Variants in LTBP1 observed in about 807,000 individuals in gnomAD.
LTBP1 encodes the protein latent transforming growth factor beta binding protein 1.
Under a neutral mutation model 207.6 loss-of-function variants are expected in LTBP1, and 129 were observed. The ratio of observed to expected loss-of-function variants is 0.62; its 90% CI spans 0.54 to 0.72. The LOEUF is 0.72. Among genes scored for constraint, LTBP1 ranks in the 30% least tolerant of loss-of-function variants. The pLI, the probability that LTBP1 is intolerant of heterozygous loss-of-function variation, is 0.00. For missense variants in LTBP1, 2,281 were observed against 2,217.2 expected, an observed-to-expected ratio of 1.03 and a Z score of -0.58; for synonymous variants, 963 against 833.7, an observed-to-expected ratio of 1.16 and a Z score of -2.67.
chr2:33,090,392 C>A (rs1009926380), intron 3 of LTBP1, among the ~76,000 whole-genome samples: 1 of 151,976 alleles, frequency 6.6e-6, no homozygotes, highest in Non-Finnish European at 1.5e-5. Context: ...TATGGTATGC[C>A]GAATCTGTCT....
rs71407500 is a variant in LTBP1, at chr2:33,103,586, CGTGT to C, written c.864-6958_864-6955del. Among the ~76,000 whole-genome samples the C allele has an allele frequency of 8.3e-3, 977 of 118,214 alleles. 9 individuals carry two copies. Among genetic ancestry groups the C allele is most frequent in the Admixed American group, 0.029 (351 of 12,214 alleles). 77.6% of individuals were successfully genotyped at this position (118,214 alleles called of 152,430 possible). On this transcript the variant is annotated intron_variant, in intron 3 of 33. Coordinates refer to ENST00000404816, the MANE Select transcript of LTBP1 (RefSeq NM_206943.4). ...GACCATAAATCCTTGTCTCCGTTTA[CGTGT>C]GTGTGTGTGTGTGTGTGTGTGTGTG...
At chr2:33,314,041 A>G (rs918763429) in intron 23 of LTBP1, among the ~76,000 whole-genome samples, 1 of 152,194 alleles carries the variant, frequency 6.6e-6, no homozygotes, top group Non-Finnish European at 1.5e-5. Flanking sequence ...AGTGTTTGGA[A>G]GTAGCCCTTG....
chr2:33,224,315 A>C (rs1352924903), intron 9 of LTBP1, among the ~76,000 whole-genome samples: 2 of 152,182 alleles, frequency 1.3e-5, no homozygotes, highest in Non-Finnish European at 2.9e-5. Flanking sequence ...TTTATCCTTC[A>C]CTAATCCAAT....
chr2:33,295,123 C>G (rs758571948), intron 20 of LTBP1, among the ~76,000 whole-genome samples: 1 of 151,864 alleles, frequency 6.6e-6, no homozygotes, highest in Non-Finnish European at 1.5e-5. Flanking sequence ...AATTTTTAAA[C>G]ATTTATTTTA....
chr2:33,075,218 A>T (rs972128890), intron 3 of LTBP1, among the ~76,000 whole-genome samples: 5 of 152,256 alleles, frequency 3.3e-5, no homozygotes, highest in African/African-American at 1.2e-4. Flanking sequence ...AACTTTATAC[A>T]CAATGACTTA....
chr2:33,280,170 A>G lies in LTBP1; in HGVS notation c.3112+12A>G. 1 of 1,603,828 alleles carries G rather than the reference A, an allele frequency of 6.2e-7. No individual in the cohort carries two copies. Among genetic ancestry groups the G allele is most frequent in the Middle Eastern group, 1.7e-4 (1 of 6,020 alleles). ...TGGACAGTGCCTTGGTAGGTACTAT[A>G]GTGTACTTATCAAAGATTTGTTTCT... On this transcript the variant is annotated intron_variant, in intron 19 of 33. Transcript: ENST00000404816.
At chr2:33,185,228 G>T (rs1439010714) in intron 5 of LTBP1, among the ~76,000 whole-genome samples, 1 of 152,112 alleles carries the variant, frequency 6.6e-6, no homozygotes, top group African/African-American at 2.4e-5. Flanking sequence ...TCCCTGTAAT[G>T]GGCAAAAAGT....
chr2:33,045,145 C>G (rs979041467), intron 3 of LTBP1, among the ~76,000 whole-genome samples: 7 of 152,036 alleles, frequency 4.6e-5, no homozygotes, highest in African/African-American at 1.7e-4. Context: ...ATTTTGGCTT[C>G]TGTTGCCATT....
chr2:33,289,271 G>A (rs770494311), intron 19 of LTBP1, among the ~76,000 whole-genome samples: 27 of 152,216 alleles, frequency 1.8e-4, no homozygotes, highest in Non-Finnish European at 1.5e-5. Flanking sequence ...ACCCTGGGAG[G>A]TTTAATTAAT....
In LTBP1 at chr2:33,206,325, A is replaced by G. The variant is rs74591507; in HGVS notation, c.1702-11227A>G. Among the ~76,000 whole-genome samples the G allele has an allele frequency of 8.6e-3, 1,317 of 152,330 alleles. 19 individuals carry two copies. Among genetic ancestry groups the G allele is most frequent in the Middle Eastern group, 0.037 (11 of 294 alleles). The stretch of plus-strand genomic sequence containing the variant: ...CAGAAAAAACTGAAAGCTTAACCAA[A>G]TGAGGCATGCATTACAATTTCACAT... On this transcript the variant is annotated intron_variant, in intron 7 of 33. Coordinates refer to ENST00000404816, the MANE Select transcript of LTBP1 (RefSeq NM_206943.4).
chr2:33,330,751 C>T (rs1282138589), intron 24 of LTBP1, among the ~76,000 whole-genome samples: 1 of 148,658 alleles, frequency 6.7e-6, no homozygotes, highest in African/African-American at 2.5e-5. Context: ...ATACAGGGAC[C>T]CAGACAATAT....
At chr2:33,068,187 A>G (rs578214178) in intron 3 of LTBP1, among the ~76,000 whole-genome samples, 1 of 150,256 alleles carries the variant, frequency 6.7e-6, no homozygotes, top group African/African-American at 2.5e-5. Context: ...GGGTGTAAAC[A>G]TATGTTTTTA....
chr2:33,182,699 T>TACACAC lies in LTBP1; in HGVS notation c.1202-4125_1202-4120dup, dbSNP rs377663333. On this transcript the variant is annotated intron_variant, in intron 5 of 33. Coordinates refer to ENST00000404816, the MANE Select transcript of LTBP1 (RefSeq NM_206943.4). Reference sequence around the variant, plus strand: ...AAGAAAAGATGGTGATATATATATATACACACACACACACACACACACACA... The same window carrying TACACAC: ...AAGAAAAGATGGTGATATATATATATACACACACACACACACACACACACACACACA... Among the ~76,000 whole-genome samples, 23 of 78,826 alleles carry TACACAC rather than the reference T, an allele frequency of 2.9e-4. 2 individuals carry two copies. The highest frequency in any genetic ancestry group is 1.9e-3 in the South Asian group (5 of 2,590). 51.7% of individuals were successfully genotyped at this position (78,826 alleles called of 152,430 possible). A position where few individuals can be genotyped will look rare whatever the true frequency, so the allele number is the denominator to read the frequency against.
intron 5 of LTBP1, among the ~76,000 whole-genome samples, chr2:33,172,751 G>T (rs144530701): frequency 0.012 from 1,774 of 152,228 alleles, 34 homozygotes; most frequent in African/African-American, 0.04. Context: ...CACATAGTTG[G>T]AAGTAAAGCT....
At chr2:32,968,848 CA>C (rs1159292217) in intron 2 of LTBP1, among the ~76,000 whole-genome samples, 3 of 151,314 alleles carry the variant, frequency 2.0e-5, no homozygotes, top group African/African-American at 7.3e-5. Flanking sequence ...CTCAGCCTCC[CA>C]AGTAGCTGGG....
At chr2:33,088,761 A>G (rs1385988757) in intron 3 of LTBP1, among the ~76,000 whole-genome samples, 1 of 152,218 alleles carries the variant, frequency 6.6e-6, no homozygotes, top group Non-Finnish European at 1.5e-5. Flanking sequence ...AGTGAAACTA[A>G]AATTCAAAAA....
intron 4 of LTBP1, among the ~76,000 whole-genome samples, chr2:33,127,952 C>A (rs2150490287): frequency 6.6e-6 from 1 of 152,106 alleles, no homozygotes; most frequent in Middle Eastern, 3.4e-3. Flanking sequence ...CTAGGTTGGA[C>A]CTAGGTAGGA....
intron 5 of LTBP1, among the ~76,000 whole-genome samples, chr2:33,156,665 C>T (rs540119797): frequency 1.3e-5 from 2 of 151,922 alleles, no homozygotes; most frequent in African/African-American, 4.8e-5. Flanking sequence ...TATTTGATTA[C>T]ATCAAAATGC....
At chr2:33,385,129 C>G (rs1036347731) in intron 31 of LTBP1, among the ~76,000 whole-genome samples, 1 of 152,280 alleles carries the variant, frequency 6.6e-6, no homozygotes, top group African/African-American at 2.4e-5. Context: ...ATTGTTCATA[C>G]TTTATCACTG....
Sources: gnomAD v4.1 joint callset for allele counts (sites outside exome capture counted in the v4.1 genomes callset) on GRCh38, gnomAD v4.1.1 for gene constraint, MANE v1.5 for transcripts, NCBI Gene and HGNC (gene_info 2026-07-23, HGNC 2026-07-21) for gene names.